NDST3: variants seen among roughly 807,000 people sequenced by gnomAD.
The protein encoded by NDST3 is bifunctional heparan sulfate N-deacetylase/N-sulfotransferase 3.
A neutral mutation model predicts 96.1 loss-of-function variants in NDST3; 58 were observed. That is an observed-to-expected ratio of 0.60 (90% CI 0.49 to 0.75). NDST3 has a LOEUF of 0.75. NDST3 is among the 30% of genes least tolerant of loss of function. NDST3 has a pLI of 0.00. For missense variants in NDST3, 788 were observed against 1,034.2 expected (o/e 0.76, Z 3.27); for synonymous variants, 333 against 359.7 (o/e 0.93, Z 0.84).
At chr4:118,231,996 C>T (rs1016875732) in intron 8 of NDST3, among the ~76,000 whole-genome samples, 4 of 152,144 alleles carry the variant, frequency 2.6e-5, no homozygotes, top group African/African-American at 9.7e-5. Flanking sequence ...CCATTCTCTT[C>T]CCTAGTAAAT....
chr4:118,057,326 G>C (rs1725510445), intron 2 of NDST3, among the ~76,000 whole-genome samples: 1 of 151,974 alleles, frequency 6.6e-6, no homozygotes, highest in Non-Finnish European at 1.5e-5. Flanking sequence ...TTTTATTAAA[G>C]TCCATGTGGG....
intron 6 of NDST3, among the ~76,000 whole-genome samples, chr4:118,149,639 C>T (rs1194640834): frequency 2.8e-4 from 42 of 151,346 alleles, no homozygotes. Flanking sequence ...TGCTTATCAA[C>T]TTAAGGAGAT....
At chr4:118,047,891 C>T (rs983241769) in intron 1 of NDST3, among the ~76,000 whole-genome samples, 3 of 152,048 alleles carry the variant, frequency 2.0e-5, no homozygotes, top group Non-Finnish European at 4.4e-5. Context: ...AGGCTGCATA[C>T]TATATGAGAT....
At chr4:118,179,157 T>TG (rs1350879179) in intron 6 of NDST3, among the ~76,000 whole-genome samples, 2 of 151,948 alleles carry the variant, frequency 1.3e-5, no homozygotes, top group African/African-American at 4.8e-5. Flanking sequence ...ACCTTTGCCC[T>TG]GGGGGGAGAC....
In NDST3 at chr4:118,204,944, T is replaced by C. The variant is rs951534426; in HGVS notation, c.1540-19547T>C. 2.8e-5 allele frequency among the ~76,000 whole-genome samples: 4 copies of C among 144,624 alleles called. 1 individual carries two copies. Among genetic ancestry groups the C allele is most frequent in the Non-Finnish European group, 6.1e-5 (4 of 65,322 alleles). 94.9% of individuals were successfully genotyped at this position (144,624 alleles called of 152,430 possible). ...GTCAACAAACCCATGATTTTCTTAG[T>C]ATTCACTCACTCTATATCTGTGTAC... On this transcript the variant is annotated intron_variant, in intron 6 of 13. Transcript: ENST00000296499.
At chr4:118,035,930 A>T (rs1724126165) in intron 1 of NDST3, among the ~76,000 whole-genome samples, 1 of 152,082 alleles carries the variant, frequency 6.6e-6, no homozygotes. Context: ...TATTTGTTAT[A>T]GTTTAGTTTG....
At chr4:118,165,091 T>C (rs1735454338) in intron 6 of NDST3, among the ~76,000 whole-genome samples, 1 of 152,096 alleles carries the variant, frequency 6.6e-6, no homozygotes, top group Non-Finnish European at 1.5e-5. Context: ...AGTAGTTACA[T>C]TACATGTAAA....
chr4:118,037,738 T>C (rs1051127601), intron 1 of NDST3, among the ~76,000 whole-genome samples: 3 of 152,210 alleles, frequency 2.0e-5, no homozygotes, highest in Non-Finnish European at 4.4e-5. Context: ...GCTAAGTATA[T>C]ACAGTCTAGT....
chr4:118,177,867 A>C (rs1415036518), intron 6 of NDST3, among the ~76,000 whole-genome samples: 1 of 151,916 alleles, frequency 6.6e-6, no homozygotes, highest in Non-Finnish European at 1.5e-5. Context: ...GAAGGAGTGG[A>C]GAAGGCAACA....
At chr4:118,115,841 G>A (rs1731039267) in intron 4 of NDST3, among the ~76,000 whole-genome samples, 1 of 151,744 alleles carries the variant, frequency 6.6e-6, no homozygotes, top group East Asian at 1.9e-4. Flanking sequence ...TTTTTTTCTT[G>A]AGGATATACA....
chr4:118,197,435 G>C (rs1468140735), intron 6 of NDST3, among the ~76,000 whole-genome samples: 2 of 151,998 alleles, frequency 1.3e-5, no homozygotes, highest in Admixed American at 6.6e-5. Flanking sequence ...TATTATATTG[G>C]GGTCTACTTC....
At chr4:118,164,859 A>G (rs1183698143) in intron 6 of NDST3, among the ~76,000 whole-genome samples, 2 of 152,136 alleles carry the variant, frequency 1.3e-5, no homozygotes, top group African/African-American at 4.8e-5. Context: ...TAAAATATCA[A>G]CTTTATATTT....
At chr4:118,083,684 ACTATGTGACCTAGTG>A (rs1728196858) in intron 2 of NDST3, among the ~76,000 whole-genome samples, 1 of 152,154 alleles carries the variant, frequency 6.6e-6, no homozygotes, top group Non-Finnish European at 1.5e-5. Flanking sequence ...TTTTTAGTTG[ACTATGTGACCTAGTG>A]CTTTCATGTA....
intron 6 of NDST3, among the ~76,000 whole-genome samples, chr4:118,167,241 C>T (rs1398582785): frequency 6.6e-6 from 1 of 151,576 alleles, no homozygotes; most frequent in African/African-American, 2.4e-5. Flanking sequence ...AATCAACATA[C>T]AAAAATGAGT....
At chr4:118,238,181 AAGAAAGAAAGAAAGAAAG>A (rs1740789163) in intron 10 of NDST3, among the ~76,000 whole-genome samples, 2 of 147,312 alleles carry the variant, frequency 1.4e-5, no homozygotes, top group South Asian at 4.4e-4. Context: ...GAAAGAAAGA[AAGAAAGAAAGAAAGAAAG>A]AAAGAAAGAA....
intron 6 of NDST3, among the ~76,000 whole-genome samples, chr4:118,144,529 C>T (rs947869036): frequency 4.6e-5 from 7 of 151,812 alleles, no homozygotes; most frequent in Non-Finnish European, 2.9e-5. Flanking sequence ...CACAATGAAC[C>T]ATTTGCATAT....
intron 6 of NDST3, among the ~76,000 whole-genome samples, chr4:118,164,259 A>G (rs1428679855): frequency 6.6e-6 from 1 of 152,210 alleles, no homozygotes; most frequent in African/African-American, 2.4e-5. Flanking sequence ...CAAATACCAC[A>G]TGTTCTCACT....
At chr4:118,216,527 A>T (rs1949760) in intron 6 of NDST3, among the ~76,000 whole-genome samples, 1 of 152,020 alleles carries the variant, frequency 6.6e-6, no homozygotes. Context: ...TAAACAAGTA[A>T]ATTAAAGTAC....
chr4:118,033,469 C>G (rs1165082973), upstream of NDST3: 6 of 152,018 alleles, frequency 3.9e-5, no homozygotes, highest in Admixed American at 1.3e-4. Context: ...TGTCGAGGCC[C>G]GGGCAGCCAG....
Sources: gnomAD v4.1 joint callset for allele counts (sites outside exome capture counted in the v4.1 genomes callset) on GRCh38, gnomAD v4.1.1 for gene constraint, MANE v1.5 for transcripts, NCBI Gene and HGNC (gene_info 2026-07-23, HGNC 2026-07-21) for gene names.